The following NUS1 variants were observed in gnomAD, a reference collection of about 807,000 sequenced individuals.
NUS1 encodes dehydrodolichyl diphosphate synthase complex subunit NUS1.
For synonymous variants in NUS1, 135 were observed against 155.2 expected, an observed-to-expected ratio of 0.87 and a Z score of 0.97; for missense variants, 292 against 382.9, an observed-to-expected ratio of 0.76 and a Z score of 1.98.
At chr6:117,706,594 G>A (rs1246417750) in intron 4 of NUS1, among the ~76,000 whole-genome samples, 1 of 152,114 alleles carries the variant, frequency 6.6e-6, no homozygotes. Flanking sequence ...AACAATCTTA[G>A]TAGAATTGTT....
chr6:117,676,699 A>G (rs2114675523), intron 1 of NUS1, among the ~76,000 whole-genome samples: 1 of 152,378 alleles, frequency 6.6e-6, no homozygotes, highest in Admixed American at 6.5e-5. Context: ...TGATTTGCCC[A>G]AGGCCACAAG....
chr6:117,686,200 C>T (rs887351594), intron 1 of NUS1, among the ~76,000 whole-genome samples: 2 of 151,654 alleles, frequency 1.3e-5, no homozygotes, highest in Non-Finnish European at 2.9e-5. Context: ...GAAGAGCTTG[C>T]AGTGAGCCGA....
chr6:117,694,253 T>TA, intron 3 of NUS1, 73 bp downstream of exon 3: 1 of 834,062 alleles, frequency 1.2e-6, no homozygotes, highest in Non-Finnish European at 1.7e-6. Context: ...CACACGAGGA[T>TA]ACAGTATGAA....
intron 1 of NUS1, among the ~76,000 whole-genome samples, chr6:117,681,023 T>C (rs145503450): frequency 1.3e-5 from 2 of 152,348 alleles, no homozygotes; most frequent in East Asian, 1.9e-4. Context: ...TGTCTGTATT[T>C]AGGTATTTAA....
intron 3 of NUS1, among the ~76,000 whole-genome samples, chr6:117,701,880 T>C (rs960160196): frequency 1.3e-5 from 2 of 152,142 alleles, no homozygotes; most frequent in Admixed American, 6.5e-5. Flanking sequence ...GTCTGGCTTA[T>C]GTCTACATAG....
At chr6:117,678,503 G>T (rs1195976978) in intron 1 of NUS1, among the ~76,000 whole-genome samples, 2 of 152,196 alleles carry the variant, frequency 1.3e-5, no homozygotes, top group Middle Eastern at 3.4e-3. Context: ...AAGCAGAGAA[G>T]GGAAGATAGG....
At position 117,693,158 on chromosome 6, in the gene NUS1, G is replaced by A; in HGVS notation, c.532G>A (p.Asp178Asn). 6.2e-7 allele frequency: 1 copy of A among 1,612,572 alleles called. No individual in the cohort carries two copies. Among genetic ancestry groups the A allele is most frequent in the Non-Finnish European group, 8.5e-7 (1 of 1,179,028 alleles). The change falls in exon 2 of 5, where the codon GAT (aspartate) becomes AAT (asparagine). Residue 178 changes from aspartate to asparagine, a missense_variant. Asp to Asn is a conservative substitution (Grantham distance 23, BLOSUM62 1). Transcript: ENST00000368494. ...AGAATTTGCAAATAGTAATGACAAAGATGATCAAGGTAAGCATGAGTGTAT... is the reference window on the plus strand; with the variant it reads ...AGAATTTGCAAATAGTAATGACAAAAATGATCAAGGTAAGCATGAGTGTAT... ...SPEFANSNDK[D>N]DQVLNCHLAV...
At chr6:117,683,261 A>AG (rs1464430112) in intron 1 of NUS1, among the ~76,000 whole-genome samples, 1 of 152,194 alleles carries the variant, frequency 6.6e-6, no homozygotes, top group Admixed American at 6.5e-5. Flanking sequence ...CTCTTACTAC[A>AG]GCACTGCAGT....
intron 1 of NUS1, among the ~76,000 whole-genome samples, chr6:117,681,317 C>G (rs1773058551): frequency 6.6e-6 from 1 of 152,074 alleles, no homozygotes; most frequent in Non-Finnish European, 1.5e-5. Flanking sequence ...AGATGCTATC[C>G]ATCCTTCTCA....
At position 117,708,123 on chromosome 6, in the gene NUS1, CT is replaced by C. The variant is rs1355699320; in HGVS notation, c.*1109del. 4 of 152,468 alleles carry C rather than the reference CT, an allele frequency of 2.6e-5. No individual in the cohort carries two copies. The highest frequency in any genetic ancestry group is 6.5e-5 in the Admixed American group (1 of 15,286). The allele number at this position is 152,468 out of a possible 1,614,324, so 9.4% of individuals were successfully genotyped here. ...TTTACTCAGTAAATCCTGATGGTTA[CT>C]GTGTGTAAAATATCTTTAAGTAGGA... On this transcript the variant is annotated 3_prime_UTR_variant, in exon 5 of 5. Transcript: ENST00000368494.
chr6:117,687,086 A>G (rs906322624), intron 1 of NUS1, among the ~76,000 whole-genome samples: 44 of 152,188 alleles, frequency 2.9e-4, no homozygotes, highest in Admixed American at 3.9e-4. Context: ...AAATCAGCCA[A>G]GAAAGATTCT....
At chr6:117,676,531 T>G (rs1247512510) in intron 1 of NUS1, among the ~76,000 whole-genome samples, 1 of 152,148 alleles carries the variant, frequency 6.6e-6, no homozygotes, top group Non-Finnish European at 1.5e-5. Flanking sequence ...TGAGCCGAGA[T>G]CGCGCCACTG....
intron 1 of NUS1, among the ~76,000 whole-genome samples, chr6:117,684,382 A>G (rs1308471592): frequency 1.3e-5 from 2 of 152,168 alleles, no homozygotes; most frequent in Non-Finnish European, 2.9e-5. Flanking sequence ...TATGTCTAAA[A>G]CAGTACTTTT....
intron 3 of NUS1, among the ~76,000 whole-genome samples, chr6:117,701,350 T>C (rs1773406490): frequency 6.6e-6 from 1 of 151,466 alleles, no homozygotes; most frequent in Admixed American, 6.6e-5. Flanking sequence ...GTTTACGCCA[T>C]TCTCCTGCCT....
At chr6:117,689,039 G>A (rs1005788167) in intron 1 of NUS1, among the ~76,000 whole-genome samples, 2 of 152,156 alleles carry the variant, frequency 1.3e-5, no homozygotes, top group Non-Finnish European at 2.9e-5. Context: ...TTTATTTAGG[G>A]TGAAAAGAAG....
intron 3 of NUS1, among the ~76,000 whole-genome samples, chr6:117,695,198 A>T: frequency 6.7e-6 from 1 of 148,366 alleles, no homozygotes; most frequent in African/African-American, 2.5e-5. Context: ...TGTCTCAAAA[A>T]AAAAAAAAAA....
chr6:117,695,063 T>C (rs1338884860), intron 3 of NUS1, among the ~76,000 whole-genome samples: 1 of 151,560 alleles, frequency 6.6e-6, no homozygotes, highest in Non-Finnish European at 1.5e-5. Flanking sequence ...GCATGGTGGC[T>C]CACGCCTGTG....
At chr6:117,686,852 ATGTGTGTGTGTGTGTGTGTG>A (rs56080181) in intron 1 of NUS1, among the ~76,000 whole-genome samples, 10 of 139,400 alleles carry the variant, frequency 7.2e-5, no homozygotes, top group East Asian at 4.2e-4. Flanking sequence ...TGAAGTGTGT[ATGTGTGTGTGTGTGTGTGTG>A]TGTGTGTGTG....
chr6:117,675,840 G>T lies in NUS1; in HGVS notation c.170G>T (p.Arg57Leu). 6.5e-7 allele frequency: 1 copy of T among 1,542,146 alleles called. No individual in the cohort carries two copies. The highest frequency in any genetic ancestry group is 8.7e-7 in the Non-Finnish European group (1 of 1,144,572). ...AVLAPLGFTL[R>L]KPPAVGRNRR... is the part of the protein sequence containing the mutation. ...CTAGCGCCGCTCGGCTTCACGCTCC[G>T]CAAGCCCCCGGCAGTCGGCAGGAAC... Residue 57 changes from arginine to leucine, a missense_variant, in exon 1 of 5, where the codon CGC (arginine) becomes CTC (leucine). Coordinates refer to ENST00000368494, the MANE Select transcript of NUS1 (RefSeq NM_138459.5).
Sources: allele counts gnomAD v4.1 joint callset (sites outside exome capture counted in the v4.1 genomes callset), GRCh38; gene constraint gnomAD v4.1.1; transcripts MANE v1.5; gene names NCBI Gene and HGNC (gene_info 2026-07-23, HGNC 2026-07-21).